Variants in KDSR observed in about 807,000 individuals in gnomAD.
KDSR encodes 3-dehydrosphinganine reductase.
In KDSR, 23 loss-of-function variants were observed where a neutral mutation model predicts 41.3. That is an observed-to-expected ratio of 0.56 (90% CI 0.40 to 0.79). KDSR has a LOEUF of 0.79. Ranked by LOEUF, KDSR falls within the 30% of genes least tolerant of loss-of-function variation. The probability of loss-of-function intolerance (pLI) is 0.00; values close to 1 mark genes in which losing one functional copy is unlikely to be tolerated. For missense variants in KDSR, 351 were observed against 416.8 expected, an observed-to-expected ratio of 0.84 and a Z score of 1.37; for synonymous variants, 138 against 151.7, an observed-to-expected ratio of 0.91 and a Z score of 0.66.
chr18:63,332,048 C>T, intron 9 of KDSR, 147 bp from the exon 10 acceptor site: 1 of 811,188 alleles, frequency 1.2e-6, no homozygotes, highest in Non-Finnish European at 1.9e-6. Flanking sequence ...TGTCAGTAAG[C>T]TGTGAGAACA....
At chr18:63,356,417 T>G (rs1395280583) in intron 3 of KDSR, among the ~76,000 whole-genome samples, 1 of 148,000 alleles carries the variant, frequency 6.8e-6, no homozygotes, top group Non-Finnish European at 1.5e-5. Context: ...AAAAAGGCAG[T>G]AGTAATCATA....
chr18:63,328,217 TAA>T lies in KDSR; in HGVS notation c.*3563_*3564del, dbSNP rs1350880955. 8 of 184,196 alleles carry T rather than the reference TAA, an allele frequency of 4.3e-5. No homozygotes were observed. Among genetic ancestry groups the T allele is most frequent in the Non-Finnish European group, 9.2e-5 (8 of 86,890 alleles). 11.4% of individuals were successfully genotyped at this position (184,196 alleles called of 1,614,324 possible). ...ATATAATTGCTTTCTTCTAGAAAGATAAAGACATAAAATTCTTTGAACCAAAG... is the reference window on the plus strand; with the variant it reads ...ATATAATTGCTTTCTTCTAGAAAGATAGACATAAAATTCTTTGAACCAAAG... On this transcript the variant is annotated 3_prime_UTR_variant, in exon 10 of 10. Coordinates refer to ENST00000645214, the MANE Select transcript of KDSR (RefSeq NM_002035.4).
intron 8 of KDSR, among the ~76,000 whole-genome samples, chr18:63,338,231 G>A (rs1914240575): frequency 6.6e-6 from 1 of 152,232 alleles, no homozygotes; most frequent in Non-Finnish European, 1.5e-5. Flanking sequence ...GTGGTTTACA[G>A]ACATCCCTCA....
intron 1 of KDSR, chr18:63,366,789 G>C: frequency 2.6e-6 from 1 of 384,394 alleles, no homozygotes; most frequent in South Asian, 1.4e-4. Context: ...CACGCTCTCC[G>C]GCCCTAGGAG....
intron 9 of KDSR, 48 bp from the exon 10 acceptor site, chr18:63,331,949 A>C (rs1298985083): frequency 6.3e-7 from 1 of 1,593,440 alleles, no homozygotes; most frequent in Admixed American, 1.7e-5. Context: ...GTACAAGACT[A>C]TTTCAAGGTA....
intron 2 of KDSR, 151 bp from the exon 3 acceptor site, chr18:63,359,943 G>A: frequency 1.6e-6 from 1 of 621,534 alleles, no homozygotes; most frequent in Non-Finnish European, 2.9e-6. Context: ...AGACAGACTG[G>A]GCCACAGCCT....
At chr18:63,346,942 C>A (rs1022242277) in intron 6 of KDSR, among the ~76,000 whole-genome samples, 1 of 152,034 alleles carries the variant, frequency 6.6e-6, no homozygotes, top group South Asian at 2.1e-4. Flanking sequence ...ATCTCATAAC[C>A]CTGTCATAAA....
In KDSR at chr18:63,327,807, T is replaced by A. The variant is rs1252851433; in HGVS notation, c.*3975A>T. ...CAAGGTATGAAAATTAGATTACAATTCTGCCACAAAAGCTTCTAAAGTAGC... is the reference window on the plus strand; with the variant it reads ...CAAGGTATGAAAATTAGATTACAATACTGCCACAAAAGCTTCTAAAGTAGC... On this transcript the variant is annotated 3_prime_UTR_variant, in exon 10 of 10. Transcript: ENST00000645214. 5.2e-6 allele frequency: 1 copy of A among 190,910 alleles called. No homozygotes were observed. Among genetic ancestry groups the A allele is most frequent in the Non-Finnish European group, 1.1e-5 (1 of 91,114 alleles). The allele number at this position is 190,910 out of a possible 1,614,324, so 11.8% of individuals were successfully genotyped here. A position where few individuals can be genotyped will look rare whatever the true frequency, so the allele number is the denominator to read the frequency against.
In KDSR at chr18:63,327,810, G is replaced by T. The variant is rs963031709; in HGVS notation, c.*3972C>A. The T allele has an allele frequency of 1.0e-5, 2 of 191,120 alleles. No individual in the cohort carries two copies. The highest frequency in any genetic ancestry group is 2.2e-5 in the Non-Finnish European group (2 of 91,254). The allele number at this position is 191,120 out of a possible 1,614,324, so 11.8% of individuals were successfully genotyped here. A position where few individuals can be genotyped will look rare whatever the true frequency, so the allele number is the denominator to read the frequency against. The stretch of plus-strand genomic sequence containing the variant: ...GGTATGAAAATTAGATTACAATTCT[G>T]CCACAAAAGCTTCTAAAGTAGCAAA... On this transcript the variant is annotated 3_prime_UTR_variant, in exon 10 of 10. Transcript: ENST00000645214.
intron 8 of KDSR, among the ~76,000 whole-genome samples, chr18:63,337,094 T>C (rs2850769): frequency 2.6e-5 from 1 of 38,702 alleles, no homozygotes; most frequent in Non-Finnish European, 6.6e-5. Flanking sequence ...ATATGTGACT[T>C]TATATATATA....
chr18:63,345,242 T>C (rs951394189), intron 6 of KDSR: 1 of 152,246 alleles, frequency 6.6e-6, no homozygotes, highest in African/African-American at 2.4e-5. Context: ...TCTATGTGGC[T>C]CCTCTAAATC....
intron 8 of KDSR, among the ~76,000 whole-genome samples, 175 bp downstream of exon 8, chr18:63,338,625 G>A (rs1444372224): frequency 6.6e-6 from 1 of 152,156 alleles, no homozygotes; most frequent in Non-Finnish European, 1.5e-5. Flanking sequence ...TCACTAATAT[G>A]GAGTCAATAA....
intron 2 of KDSR, among the ~76,000 whole-genome samples, chr18:63,361,007 T>TATATATAAA (rs377382136): frequency 0.031 from 669 of 21,526 alleles, 9 homozygotes; most frequent in Non-Finnish European, 0.052. Flanking sequence ...AAAAAATATA[T>TATATATAAA]ATATATATAA....
intron 6 of KDSR, among the ~76,000 whole-genome samples, chr18:63,347,788 T>A (rs1204369164): frequency 6.6e-6 from 1 of 152,082 alleles, no homozygotes; most frequent in Non-Finnish European, 1.5e-5. Context: ...CTCAGAAGTC[T>A]GCTTTCCAAA....
At chr18:63,358,047 G>C (rs749084986) in intron 3 of KDSR, among the ~76,000 whole-genome samples, 2 of 152,068 alleles carry the variant, frequency 1.3e-5, no homozygotes, top group African/African-American at 4.8e-5. Context: ...GTAGTGACGC[G>C]CGCCTGTAAT....
chr18:63,339,451 A>G (rs1914278960), intron 7 of KDSR, among the ~76,000 whole-genome samples: 1 of 152,250 alleles, frequency 6.6e-6, no homozygotes, highest in Non-Finnish European at 1.5e-5. Flanking sequence ...ACACTGAAAC[A>G]GAAGGAGCCA....
intron 5 of KDSR, 112 bp downstream of exon 5, chr18:63,355,092 G>T: frequency 1.4e-6 from 1 of 710,306 alleles, no homozygotes; most frequent in Non-Finnish European, 2.4e-6. Context: ...GTCTTCTAAA[G>T]CTTCCATGGA....
At chr18:63,350,504 ATAC>A (rs1364706617) in intron 6 of KDSR, among the ~76,000 whole-genome samples, 1 of 152,228 alleles carries the variant, frequency 6.6e-6, no homozygotes, top group Non-Finnish European at 1.5e-5. Flanking sequence ...CCTCAAACAT[ATAC>A]TAATTTCACG....
At chr18:63,332,390 G>A (rs933315079) in intron 9 of KDSR, among the ~76,000 whole-genome samples, 1 of 152,170 alleles carries the variant, frequency 6.6e-6, no homozygotes, top group Non-Finnish European at 1.5e-5. Flanking sequence ...GTTGAGACCC[G>A]TGATTACTGA....
Sources: allele counts gnomAD v4.1 joint callset (sites outside exome capture counted in the v4.1 genomes callset), GRCh38; gene constraint gnomAD v4.1.1; transcripts MANE v1.5; gene names NCBI Gene and HGNC (gene_info 2026-07-23, HGNC 2026-07-21).